Variants in CCDC12 observed in about 807,000 individuals in gnomAD.
The protein encoded by CCDC12 is coiled-coil domain-containing protein 12.
CCDC12 carries 28 observed loss-of-function variants against 25.7 expected under a neutral mutation model. That is an observed-to-expected ratio of 1.09 (90% CI 0.81 to 1.50). The LOEUF (loss-of-function observed/expected upper bound fraction) is 1.50, where lower values mean the gene tolerates loss of function less well. Among genes scored for constraint, CCDC12 ranks in the 40% most tolerant of loss-of-function variants. CCDC12 has a pLI of 0.00. For missense variants in CCDC12, 198 were observed against 210.0 expected (o/e 0.94, Z 0.35); for synonymous variants, 75 against 87.7 (o/e 0.86, Z 0.81).
chr3:46,948,722 A>G (rs943140107), intron 1 of CCDC12, among the ~76,000 whole-genome samples: 4 of 152,344 alleles, frequency 2.6e-5, no homozygotes, highest in Admixed American at 2.0e-4. Context: ...ATGGCACCTC[A>G]AGGGCCAGGC....
At chr3:46,925,584 G>A (rs755397621) in intron 2 of CCDC12, 49 bp from the exon 3 acceptor site, 2 of 1,402,738 alleles carry the variant, frequency 1.4e-6, no homozygotes, top group Admixed American at 2.3e-5. Context: ...GTGTGACATG[G>A]TCTCATTCAT....
intron 2 of CCDC12, chr3:46,940,546 C>T (rs1346410301): frequency 6.1e-6 from 1 of 165,178 alleles, no homozygotes; most frequent in African/African-American, 2.4e-5. Flanking sequence ...GGACAAAAGA[C>T]TGGTCAGGAA....
At chr3:46,976,540 A>G in intron 1 of CCDC12, 97 bp downstream of exon 1, 2 of 1,475,406 alleles carry the variant, frequency 1.4e-6, no homozygotes, top group Non-Finnish European at 1.8e-6. Flanking sequence ...CGCCCTCGGC[A>G]GCTGTCTTTC....
rs529723111 is a variant in CCDC12, at chr3:46,928,948, ACT to A, written c.165-3415_165-3414del. On this transcript the variant is annotated intron_variant, in intron 2 of 6. Transcript: ENST00000683445. Reference sequence around the variant, plus strand: ...CAAGGCTGCAGAGAGCTATGATCACACTCTGCACTCCAGCCTAGGTGACAAAG... The same window carrying A: ...CAAGGCTGCAGAGAGCTATGATCACACTGCACTCCAGCCTAGGTGACAAAG... 3.4e-4 allele frequency among the ~76,000 whole-genome samples: 52 copies of A among 152,192 alleles called. No homozygotes were observed. The South Asian group carries it at 0.01, about 30-fold the overall frequency.
At chr3:46,967,639 G>C (rs1484754447) in intron 1 of CCDC12, among the ~76,000 whole-genome samples, 3 of 152,148 alleles carry the variant, frequency 2.0e-5, no homozygotes, top group East Asian at 3.8e-4. Flanking sequence ...GGGACACCAT[G>C]TTCCTTGTTT....
intron 1 of CCDC12, among the ~76,000 whole-genome samples, chr3:46,958,657 G>A (rs528253073): frequency 6.6e-6 from 1 of 152,200 alleles, no homozygotes; most frequent in South Asian, 2.1e-4. Context: ...TCCCCAACGA[G>A]AACCCAAGAT....
intron 1 of CCDC12, among the ~76,000 whole-genome samples, chr3:46,962,395 T>C (rs4435675): frequency 0.94 from 137,806 of 145,882 alleles, 65,643 homozygotes; most frequent in South Asian, 1. Flanking sequence ...GATTGTGCCA[T>C]TGCACTCCAG....
At chr3:46,936,241 G>T (rs1051196194) in intron 2 of CCDC12, among the ~76,000 whole-genome samples, 3 of 152,224 alleles carry the variant, frequency 2.0e-5, no homozygotes, top group Admixed American at 1.3e-4. Flanking sequence ...CTACAAAGTG[G>T]TTCCTAATCA....
chr3:46,975,532 T>C (rs1405804193), intron 1 of CCDC12, among the ~76,000 whole-genome samples: 6 of 121,308 alleles, frequency 4.9e-5, no homozygotes, highest in Non-Finnish European at 7.9e-5. Context: ...TTTTCTTTTT[T>C]TTTTTTTTTT....
intron 3 of CCDC12, chr3:46,924,150 G>C (rs1405670107): frequency 1.3e-5 from 2 of 153,888 alleles, no homozygotes; most frequent in Non-Finnish European, 2.9e-5. Flanking sequence ...TGCCAGCATA[G>C]TGGGCCTCTG....
intron 2 of CCDC12, among the ~76,000 whole-genome samples, chr3:46,931,955 T>TTA (rs1378898824): frequency 6.6e-6 from 1 of 152,178 alleles, no homozygotes; most frequent in Admixed American, 6.5e-5. Context: ...TCTGTTTGCT[T>TTA]TAGGCTCTGC....
upstream of CCDC12, chr3:46,976,944 G>T: frequency 1.6e-6 from 1 of 625,688 alleles, no homozygotes; most frequent in Admixed American, 3.9e-5. Flanking sequence ...TTGCCTAGTG[G>T]GTGGGGAGCC....
At chr3:46,937,841 C>T (rs1291620628) in intron 2 of CCDC12, among the ~76,000 whole-genome samples, 3 of 152,220 alleles carry the variant, frequency 2.0e-5, no homozygotes, top group Non-Finnish European at 2.9e-5. Context: ...AATCTGCCTT[C>T]CTAAATAACC....
chr3:46,950,091 G>A (rs1441416295), intron 1 of CCDC12, among the ~76,000 whole-genome samples: 1 of 151,356 alleles, frequency 6.6e-6, no homozygotes, highest in Non-Finnish European at 1.5e-5. Flanking sequence ...CCCAAGTCCT[G>A]CTGTCCCTCA....
upstream of CCDC12, among the ~76,000 whole-genome samples, chr3:46,978,056 T>C (rs1408424054): frequency 6.6e-6 from 1 of 152,234 alleles, no homozygotes; most frequent in Non-Finnish European, 1.5e-5. Context: ...AACTAGCCTC[T>C]TAGGCTGTTC....
chr3:46,937,056 A>G (rs1030666671), intron 2 of CCDC12, among the ~76,000 whole-genome samples: 2 of 152,112 alleles, frequency 1.3e-5, no homozygotes, highest in Non-Finnish European at 2.9e-5. Flanking sequence ...ATCAGAGACA[A>G]CTTAGTCTTT....
At chr3:46,976,595 C>G in intron 1 of CCDC12, 42 bp downstream of exon 1, 1 of 1,585,426 alleles carries the variant, frequency 6.3e-7, no homozygotes, top group South Asian at 1.1e-5. Flanking sequence ...GGACCCCGAA[C>G]GCTGGACGCC....
In CCDC12 at chr3:46,925,470, G is replaced by A; in HGVS notation, c.230C>T (p.Ala77Val). ...EDLKKRRVPQAKPVAVEEKVK... is the reference protein window; with the variant it reads ...EDLKKRRVPQVKPVAVEEKVK... ...AGCTTGCTTACCTGCAACCGGTTTG[G>A]CCTGGGGCACCCTCCTCTTCTTCAG... The change falls in exon 3 of 7, where the codon GCC (alanine) becomes GTC (valine). Residue 77 changes from alanine (A) to valine (V), a missense_variant. Physicochemically the swap from Ala to Val is moderately conservative, Grantham distance 64. Transcript: ENST00000683445. The A allele has an allele frequency of 6.2e-7, 1 of 1,612,702 alleles. No individual in the cohort carries two copies. Among genetic ancestry groups the A allele is most frequent in the Non-Finnish European group, 8.5e-7 (1 of 1,178,938 alleles).
At chr3:46,929,980 G>T (rs1256596405) in intron 2 of CCDC12, among the ~76,000 whole-genome samples, 1 of 134,722 alleles carries the variant, frequency 7.4e-6, no homozygotes, top group Admixed American at 8.5e-5. Context: ...GCAGTGAGCC[G>T]AGATGGTGCC....
Sources: gnomAD v4.1 joint callset for allele counts (sites outside exome capture counted in the v4.1 genomes callset) on GRCh38, gnomAD v4.1.1 for gene constraint, MANE v1.5 for transcripts, NCBI Gene and HGNC (gene_info 2026-07-23, HGNC 2026-07-21) for gene names.